Variants in GMDS observed in about 807,000 individuals in gnomAD.
The protein encoded by GMDS is GDP-mannose 4,6 dehydratase.
A neutral mutation model predicts 49.9 loss-of-function variants in GMDS; 20 were observed. That is an observed-to-expected ratio of 0.40 (90% confidence interval 0.28 to 0.58). The LOEUF is 0.58. GMDS is among the 20% of genes least tolerant of loss of function. The pLI, the probability that GMDS is intolerant of heterozygous loss-of-function variation, is 0.42. For missense variants in GMDS, 362 were observed against 481.4 expected (o/e 0.75, Z 2.32); for synonymous variants, 177 against 178.6 (o/e 0.99, Z 0.07).
intron 7 of GMDS, among the ~76,000 whole-genome samples, chr6:1,774,554 T>C (rs1437923721): frequency 6.6e-6 from 1 of 152,212 alleles, no homozygotes; most frequent in East Asian, 1.9e-4. Context: ...CAAATGATGA[T>C]TGTGTGTAAA....
chr6:1,990,780 C>T (rs1364371882), intron 4 of GMDS, among the ~76,000 whole-genome samples: 1 of 150,334 alleles, frequency 6.7e-6, no homozygotes, highest in Non-Finnish European at 1.5e-5. Context: ...AGGGTTTCAC[C>T]ATGTTGCTGC....
At position 1,819,773 on chromosome 6, in the gene GMDS, AAAAAT is replaced by A. The variant is rs1254508434; in HGVS notation, c.772-77192_772-77188del. On this transcript the variant is annotated intron_variant, in intron 7 of 10. Transcript: ENST00000380815. ...GAGACTCTGCCTCAAAAAAAAAAAA[AAAAAT>A]ATATATATATATATATATATCTACC... Among the ~76,000 whole-genome samples, 645 of 129,706 alleles carry A rather than the reference AAAAAT, an allele frequency of 5.0e-3. 2 individuals are homozygous for A. The highest frequency in any genetic ancestry group is 0.015 in the African/African-American group (553 of 36,658). 85.1% of individuals were successfully genotyped at this position (129,706 alleles called of 152,430 possible).
intron 1 of GMDS, among the ~76,000 whole-genome samples, chr6:2,159,456 T>A (rs1475648275): frequency 6.6e-6 from 1 of 151,836 alleles, no homozygotes; most frequent in African/African-American, 2.4e-5. Flanking sequence ...AATATCTACA[T>A]ACATTTTATG....
In GMDS at chr6:1,833,229, G is replaced by A. The variant is rs762309781; in HGVS notation, c.772-90643C>T. ...TCAGCAGGGGAATTGGCCAAATGTC[G>A]TCTCCCGCTGGGCTTCAATGCCAAA... On this transcript the variant is annotated intron_variant, in intron 7 of 10. Coordinates refer to ENST00000380815, the MANE Select transcript of GMDS (RefSeq NM_001500.4). The surrounding 1 kb of genome is among the most constrained non-coding windows in gnomAD (Gnocchi z 4.4). Among the ~76,000 whole-genome samples, 14 of 149,080 alleles carry A rather than the reference G, an allele frequency of 9.4e-5. No individual in the cohort carries two copies. The highest frequency in any genetic ancestry group is 2.1e-4 in the South Asian group (1 of 4,722).
intron 4 of GMDS, among the ~76,000 whole-genome samples, chr6:1,987,195 T>C (rs576491781): frequency 3.9e-5 from 6 of 152,180 alleles, no homozygotes; most frequent in African/African-American, 9.7e-5. Flanking sequence ...TGTAAAAAGA[T>C]AGCCCATTCA....
chr6:2,156,213 A>G (rs2127541720), intron 1 of GMDS, among the ~76,000 whole-genome samples: 1 of 152,244 alleles, frequency 6.6e-6, no homozygotes, highest in East Asian at 1.9e-4. Flanking sequence ...GTTCTCCCAT[A>G]TTTGTTTGTA....
chr6:1,717,800 C>A (rs1270025296), intron 9 of GMDS, among the ~76,000 whole-genome samples: 2 of 152,212 alleles, frequency 1.3e-5, no homozygotes, highest in South Asian at 2.1e-4. Flanking sequence ...TGACAATATG[C>A]AGCACAAAGT....
intron 7 of GMDS, among the ~76,000 whole-genome samples, chr6:1,919,655 A>C (rs1014694367): frequency 3.9e-5 from 6 of 152,244 alleles, no homozygotes; most frequent in African/African-American, 1.4e-4. Flanking sequence ...ATCCTCTGGA[A>C]ATTTGATCCC....
At chr6:1,966,978 G>A (rs1764297490) in intron 4 of GMDS, among the ~76,000 whole-genome samples, 1 of 152,054 alleles carries the variant, frequency 6.6e-6, no homozygotes, top group African/African-American at 2.4e-5. Flanking sequence ...CTGGCACCCT[G>A]GCACTTGACC....
At chr6:1,760,772 ATTAGAT>A (rs1258248857) in intron 7 of GMDS, among the ~76,000 whole-genome samples, 1 of 152,228 alleles carries the variant, frequency 6.6e-6, no homozygotes, top group Non-Finnish European at 1.5e-5. Flanking sequence ...GCTGAATATA[ATTAGAT>A]TTAATCATTC....
chr6:2,114,365 T>C (rs972022736), intron 4 of GMDS, among the ~76,000 whole-genome samples: 3 of 152,156 alleles, frequency 2.0e-5, no homozygotes, highest in Admixed American at 6.5e-5. Context: ...ATGTGGAAGA[T>C]AGACTGACTA....
At chr6:1,839,362 A>C (rs559312321) in intron 7 of GMDS, among the ~76,000 whole-genome samples, 3 of 152,292 alleles carry the variant, frequency 2.0e-5, no homozygotes, top group South Asian at 4.1e-4. Context: ...TGGGTTAAAA[A>C]CTGTAAACCA....
At chr6:1,885,741 C>A (rs1759570942) in intron 7 of GMDS, among the ~76,000 whole-genome samples, 1 of 152,194 alleles carries the variant, frequency 6.6e-6, no homozygotes, top group Non-Finnish European at 1.5e-5. Flanking sequence ...CATCGCTCCT[C>A]CTCTGGTATG....
intron 4 of GMDS, among the ~76,000 whole-genome samples, chr6:2,081,507 T>C (rs946270639): frequency 4.6e-5 from 7 of 152,152 alleles, no homozygotes; most frequent in African/African-American, 1.7e-4. Flanking sequence ...CCTAGAGCCC[T>C]TCCATCACCT....
chr6:2,154,978 T>C lies in GMDS; in HGVS notation c.103-30247A>G, dbSNP rs1777038523. Reference sequence around the variant, plus strand: ...ACTCTACAGATTTTTACCTACTTCATATGGTTAAGGCTAATATTCAACCTT... The same window carrying C: ...ACTCTACAGATTTTTACCTACTTCACATGGTTAAGGCTAATATTCAACCTT... On this transcript the variant is annotated intron_variant, in intron 1 of 10. Transcript: ENST00000380815. Among the ~76,000 whole-genome samples, 4 of 151,676 alleles carry C rather than the reference T, an allele frequency of 2.6e-5. No individual in the cohort carries two copies. In the South Asian group the frequency reaches 8.3e-4, roughly 32 times the overall value.
intron 7 of GMDS, among the ~76,000 whole-genome samples, chr6:1,781,815 A>AG: frequency 6.6e-6 from 1 of 151,890 alleles, no homozygotes; most frequent in Non-Finnish European, 1.5e-5. Context: ...ACAGTATTGT[A>AG]GGAATAATAA....
intron 7 of GMDS, among the ~76,000 whole-genome samples, chr6:1,890,589 T>A (rs1311569660): frequency 6.6e-6 from 1 of 152,168 alleles, no homozygotes; most frequent in East Asian, 1.9e-4. Context: ...GTCCATTTTA[T>A]CTATTTTTTC....
At chr6:2,075,810 T>C (rs1772303612) in intron 4 of GMDS, among the ~76,000 whole-genome samples, 1 of 152,262 alleles carries the variant, frequency 6.6e-6, no homozygotes, top group Admixed American at 6.5e-5. Context: ...TTTCTAATTC[T>C]AGATCCCTGA....
chr6:1,855,355 T>C (rs1461234703), intron 7 of GMDS, among the ~76,000 whole-genome samples: 1 of 152,238 alleles, frequency 6.6e-6, no homozygotes, highest in African/African-American at 2.4e-5. Context: ...CAACTCATTT[T>C]CTTTCTTATT....
Sources: gnomAD v4.1 joint callset for allele counts (sites outside exome capture counted in the v4.1 genomes callset) on GRCh38, gnomAD v4.1.1 for gene constraint, Gnocchi (gnomAD v3.1) non-coding constraint, MANE v1.5 for transcripts, NCBI Gene and HGNC (gene_info 2026-07-23, HGNC 2026-07-21) for gene names.